Variants in EHBP1 observed in about 807,000 individuals in gnomAD.
EHBP1 encodes the protein EH domain-binding protein 1.
EHBP1 carries 55 observed loss-of-function variants against 144.0 expected under a neutral mutation model. That is an observed-to-expected ratio of 0.38 (90% CI 0.31 to 0.48). The LOEUF (loss-of-function observed/expected upper bound fraction) is 0.48. Among genes scored for constraint, EHBP1 ranks in the 20% least tolerant of loss-of-function variants. The pLI is 0.98. For synonymous variants in EHBP1, 469 were observed against 472.7 expected, an observed-to-expected ratio of 0.99 and a Z score of 0.10; for missense variants, 1,200 against 1,364.2, an observed-to-expected ratio of 0.88 and a Z score of 1.90.
At chr2:62,858,343 T>C (rs1206687238) in intron 7 of EHBP1, 1 of 1,082,586 alleles carries the variant, frequency 9.2e-7, no homozygotes, top group Non-Finnish European at 1.4e-6. Context: ...AACAGCATGC[T>C]CCTACTTCTC....
At chr2:62,955,757 AC>A (rs2057662776) in intron 14 of EHBP1, 97 bp downstream of exon 14, 1 of 1,330,364 alleles carries the variant, frequency 7.5e-7, no homozygotes, top group African/African-American at 1.5e-5. Context: ...TTATTTTTCT[AC>A]GGACTGTACA....
At chr2:62,717,532 A>G (rs911174235) in intron 2 of EHBP1, among the ~76,000 whole-genome samples, 3 of 152,228 alleles carry the variant, frequency 2.0e-5, no homozygotes, top group African/African-American at 7.2e-5. Context: ...CAGTGAAATT[A>G]CTGCAGGATG....
chr2:62,927,265 G>T (rs1207290082), intron 10 of EHBP1, among the ~76,000 whole-genome samples: 1 of 152,020 alleles, frequency 6.6e-6, no homozygotes, highest in African/African-American at 2.4e-5. Flanking sequence ...CAGCTAGATA[G>T]GATTACTCAA....
At position 62,826,895 on chromosome 2, in the gene EHBP1, A is replaced by T. The variant is rs547631933; in HGVS notation, c.494+627A>T. ...CCTACAAAGCGGGGAAAAAAGTAAG[A>T]TTCACCCTGGTTATTGCATACAATC... On this transcript the variant is annotated intron_variant, in intron 6 of 22. Transcript: ENST00000431489. Among the ~76,000 whole-genome samples the T allele has an allele frequency of 3.9e-5, 6 of 152,310 alleles. No individual in the cohort carries two copies. In the South Asian group the frequency reaches 1.0e-3, roughly 26 times the overall value.
intron 5 of EHBP1, among the ~76,000 whole-genome samples, chr2:62,809,307 A>C (rs941451585): frequency 2.7e-5 from 4 of 150,600 alleles, no homozygotes; most frequent in Admixed American, 6.6e-5. Context: ...AAAAAAAAAA[A>C]AAAAAAAACA....
intron 10 of EHBP1, among the ~76,000 whole-genome samples, chr2:62,912,275 G>A (rs1406551144): frequency 6.6e-6 from 1 of 152,172 alleles, no homozygotes; most frequent in East Asian, 1.9e-4. Context: ...TTTAAAACCA[G>A]TACTTGTGGC....
chr2:62,978,050 G>A (rs1173690145), intron 14 of EHBP1, among the ~76,000 whole-genome samples: 4 of 152,204 alleles, frequency 2.6e-5, no homozygotes, highest in South Asian at 2.1e-4. Context: ...ATGGAGGTTC[G>A]GAGATGTTAA....
At chr2:62,897,326 T>A (rs2053021280) in intron 10 of EHBP1, among the ~76,000 whole-genome samples, 1 of 152,236 alleles carries the variant, frequency 6.6e-6, no homozygotes, top group Non-Finnish European at 1.5e-5. Flanking sequence ...TTCCAGTATG[T>A]GGATGTACTA....
intron 10 of EHBP1, among the ~76,000 whole-genome samples, chr2:62,941,240 C>T (rs2056739493): frequency 6.6e-6 from 1 of 152,106 alleles, no homozygotes; most frequent in Non-Finnish European, 1.5e-5. Context: ...TTGAAGGTCA[C>T]AGTGGATCAT....
At chr2:62,839,293 C>A (rs1339716386) in intron 7 of EHBP1, among the ~76,000 whole-genome samples, 3 of 151,000 alleles carry the variant, frequency 2.0e-5, no homozygotes, top group African/African-American at 4.9e-5. Flanking sequence ...ATTCAACAAC[C>A]CTTCATGCTA....
intron 7 of EHBP1, among the ~76,000 whole-genome samples, chr2:62,837,835 T>C (rs1042119572): frequency 2.6e-5 from 4 of 151,720 alleles, no homozygotes; most frequent in African/African-American, 9.7e-5. Flanking sequence ...CCCAGATTCA[T>C]AAAGCAAGTC....
intron 1 of EHBP1, chr2:62,706,348 G>T (rs2034570178): frequency 6.6e-6 from 1 of 152,336 alleles, no homozygotes. Flanking sequence ...AGCCCAAGTG[G>T]CCTGGAGCCG....
chr2:62,920,549 A>T (rs760401911), intron 10 of EHBP1, among the ~76,000 whole-genome samples: 2 of 152,214 alleles, frequency 1.3e-5, no homozygotes, highest in Non-Finnish European at 2.9e-5. Context: ...ATCCCAGAAA[A>T]GGTAGATAGG....
intron 14 of EHBP1, among the ~76,000 whole-genome samples, chr2:62,962,839 G>A (rs886885795): frequency 2.6e-5 from 4 of 152,154 alleles, no homozygotes; most frequent in Non-Finnish European, 4.4e-5. Flanking sequence ...ATCTGGATGC[G>A]TTTTAGAAAG....
At chr2:63,040,056 C>T (rs1186433254) in intron 21 of EHBP1, among the ~76,000 whole-genome samples, 1 of 151,638 alleles carries the variant, frequency 6.6e-6, no homozygotes, top group East Asian at 1.9e-4. Flanking sequence ...TATTTTTCCT[C>T]TTGATATAGT....
chr2:62,699,807 T>G (rs1020689725), intron 1 of EHBP1, among the ~76,000 whole-genome samples: 3 of 152,214 alleles, frequency 2.0e-5, no homozygotes, highest in African/African-American at 7.2e-5. Context: ...ACAACAGAAG[T>G]TAGTCCTGCC....
rs1446154644 is a variant in EHBP1, at chr2:62,975,887, T to TATAC, written c.2461-3300_2461-3299insTACA. On this transcript the variant is annotated intron_variant, in intron 14 of 22. Transcript: ENST00000431489. ...TCAGCCTGGATGGGTTTACTGTATG[T>TATAC]ACACACACACACACACACACACACA... Among the ~76,000 whole-genome samples, 5 of 123,752 alleles carry TATAC rather than the reference T, an allele frequency of 4.0e-5. 1 individual carries two copies. Among genetic ancestry groups the TATAC allele is most frequent in the African/African-American group, 1.5e-4 (5 of 32,372 alleles). The allele number at this position is 123,752 out of a possible 152,430, so 81.2% of individuals were successfully genotyped here.
intron 6 of EHBP1, among the ~76,000 whole-genome samples, chr2:62,827,417 G>C (rs1244896327): frequency 6.6e-6 from 1 of 152,304 alleles, no homozygotes; most frequent in East Asian, 1.9e-4. Context: ...CACAAATTCA[G>C]AGAAGATCCT....
intron 5 of EHBP1, among the ~76,000 whole-genome samples, chr2:62,801,723 GT>G (rs1452720993): frequency 6.6e-6 from 1 of 152,030 alleles, no homozygotes; most frequent in Non-Finnish European, 1.5e-5. Context: ...AGCCATTTCT[GT>G]TTCATAGAGT....
Sources: gnomAD v4.1 joint callset for allele counts (sites outside exome capture counted in the v4.1 genomes callset) on GRCh38, gnomAD v4.1.1 for gene constraint, MANE v1.5 for transcripts, NCBI Gene and HGNC (gene_info 2026-07-23, HGNC 2026-07-21) for gene names.